Variants in EIF4B observed in about 807,000 individuals in gnomAD.
EIF4B encodes eukaryotic translation initiation factor 4B.
EIF4B carries 8 observed loss-of-function variants against 79.3 expected under a neutral mutation model. That is an observed-to-expected ratio of 0.10 (90% CI 0.06 to 0.18). EIF4B has a LOEUF of 0.18. EIF4B is among the 10% of genes least tolerant of loss of function. EIF4B has a pLI of 1.00. For synonymous variants in EIF4B, 238 were observed against 274.7 expected (o/e 0.87, Z 1.32); for missense variants, 515 against 792.4 (o/e 0.65, Z 4.20).
At chr12:53,011,256 G>GT (rs1943059584) in intron 1 of EIF4B, among the ~76,000 whole-genome samples, 1 of 152,184 alleles carries the variant, frequency 6.6e-6, no homozygotes, top group Non-Finnish European at 1.5e-5. Context: ...GACAGAGCAA[G>GT]ACCCTGTATG....
chr12:53,011,537 A>G (rs7350584), intron 1 of EIF4B, among the ~76,000 whole-genome samples: 122,379 of 152,132 alleles, frequency 0.8, 51,327 homozygotes, highest in Non-Finnish European at 0.93. Context: ...ATCGGGGATT[A>G]CTATTGGCAT....
intron 10 of EIF4B, among the ~76,000 whole-genome samples, chr12:53,035,080 T>C (rs878855875): frequency 6.6e-6 from 1 of 152,066 alleles, no homozygotes; most frequent in Non-Finnish European, 1.5e-5. Flanking sequence ...CAGCCTTTTT[T>C]GATGTTATCA....
intron 8 of EIF4B, among the ~76,000 whole-genome samples, chr12:53,028,684 GA>G (rs990495677): frequency 1.3e-5 from 2 of 151,540 alleles, no homozygotes; most frequent in Non-Finnish European, 2.9e-5. Flanking sequence ...AGTAGAAATG[GA>G]AAAAAAAGTT....
intron 8 of EIF4B, among the ~76,000 whole-genome samples, chr12:53,031,394 A>T (rs962077677): frequency 6.6e-6 from 1 of 152,048 alleles, no homozygotes; most frequent in East Asian, 1.9e-4. Context: ...CTCCTTCCTC[A>T]TCCTCCCCAG....
At position 53,007,420 on chromosome 12, in the gene EIF4B, C is replaced by CTTTTTT. The variant is rs56017954; in HGVS notation, c.13+947_13+952dup. 9.2e-4 allele frequency among the ~76,000 whole-genome samples: 85 copies of CTTTTTT among 92,240 alleles called. 10 individuals carry two copies. Among genetic ancestry groups the CTTTTTT allele is most frequent in the African/African-American group, 4.0e-3 (78 of 19,646 alleles). 60.5% of individuals were successfully genotyped at this position (92,240 alleles called of 152,430 possible). A position where few individuals can be genotyped will look rare whatever the true frequency, so the allele number is the denominator to read the frequency against. On this transcript the variant is annotated intron_variant, in intron 1 of 14. Coordinates refer to ENST00000262056, the MANE Select transcript of EIF4B (RefSeq NM_001417.7). Reference sequence around the variant, plus strand: ...GATAGCTCCAATGGTAGATTTCAGCCTTTTTTTTTTTTTTTTTTTTTTTTT... The same window carrying CTTTTTT: ...GATAGCTCCAATGGTAGATTTCAGCCTTTTTTTTTTTTTTTTTTTTTTTTTTTTTTT...
At chr12:53,030,689 C>T (rs1286108178) in intron 8 of EIF4B, among the ~76,000 whole-genome samples, 2 of 151,850 alleles carry the variant, frequency 1.3e-5, no homozygotes, top group East Asian at 1.9e-4. Flanking sequence ...GGATTACAGG[C>T]GTGGGCCACT....
intron 8 of EIF4B, among the ~76,000 whole-genome samples, chr12:53,031,694 C>T (rs962171594): frequency 2.0e-5 from 3 of 152,218 alleles, no homozygotes; most frequent in Non-Finnish European, 4.4e-5. Context: ...TATAAACTGT[C>T]GGCTTAAAGC....
chr12:53,023,578 AT>A (rs1210893432), intron 6 of EIF4B, among the ~76,000 whole-genome samples: 1,097 of 109,200 alleles, frequency 0.01, 11 homozygotes, highest in South Asian at 0.028. Flanking sequence ...AAAATGTAAA[AT>A]TTTTTTTTTT....
At chr12:53,033,705 CTCATGTAGCATT>C in intron 8 of EIF4B, 89 bp from the exon 9 acceptor site, 1 of 1,292,062 alleles carries the variant, frequency 7.7e-7, no homozygotes, top group Non-Finnish European at 1.1e-6. Context: ...TAACTTGAAT[CTCATGTAGCATT>C]TCATAGGAGT....
In EIF4B at chr12:53,022,622, G is replaced by T; in HGVS notation, c.662G>T (p.Gly221Val). The T allele has an allele frequency of 6.2e-7, 1 of 1,613,490 alleles. No individual in the cohort carries two copies. Among genetic ancestry groups the T allele is most frequent in the Non-Finnish European group, 8.5e-7 (1 of 1,179,764 alleles). The change falls in exon 6 of 15, where the codon GGA (glycine) becomes GTA (valine). Residue 221 changes from glycine to valine, a missense_variant. By Grantham distance (109) the Gly-to-Val change is moderately radical. Coordinates refer to ENST00000262056, the MANE Select transcript of EIF4B (RefSeq NM_001417.7). ...CCTAGAAGAGGTGATGATAGCTTTG[G>T]AGACAGTAAGTTTGTTTTTATGAAG... ...YPPRRGDDSF[G>V]DKYRDRYDSD...
At chr12:53,035,356 A>AT (rs1943521505) in intron 10 of EIF4B, among the ~76,000 whole-genome samples, 1 of 150,740 alleles carries the variant, frequency 6.6e-6, no homozygotes, top group African/African-American at 2.4e-5. Flanking sequence ...ACCCAGCTAA[A>AT]TTTTTTATTT....
rs773232055 is a variant in EIF4B, at chr12:53,027,965, T to A, written c.805+46T>A. 1.0e-5 allele frequency: 16 copies of A among 1,607,032 alleles called. No homozygotes were observed. In the Admixed American group the frequency reaches 2.7e-4, roughly 27 times the overall value. On this transcript the variant is annotated intron_variant, in intron 7 of 14. Transcript: ENST00000262056. The stretch of plus-strand genomic sequence containing the variant: ...ATTGCTCTTTCAGTAACTTTGCCTT[T>A]TTTTTTTCCCCCTCCGCTGTGATGA...
intron 1 of EIF4B, among the ~76,000 whole-genome samples, chr12:53,010,988 G>A (rs1188330910): frequency 6.6e-6 from 1 of 152,224 alleles, no homozygotes; most frequent in African/African-American, 2.4e-5. Context: ...TTTGGACCGT[G>A]TGCAGTGGCT....
intron 1 of EIF4B, 70 bp downstream of exon 1, chr12:53,006,566 T>G: frequency 6.2e-7 from 1 of 1,610,972 alleles, no homozygotes; most frequent in Non-Finnish European, 8.5e-7. Context: ...TCCACTGATT[T>G]CCTGAAGTCG....
Position 53,016,630 on chromosome 12 carries a change from C to A in EIF4B, c.151+20C>A. 1 of 1,556,304 alleles carries A rather than the reference C, an allele frequency of 6.4e-7. No homozygotes were observed. On this transcript the variant is annotated intron_variant, in intron 2 of 14. Transcript: ENST00000262056. ...GAGATGGTAACTTTTCTTTTGTCATCGTGTTTGGAATGTTTATTATTTTCT... is the reference window on the plus strand; with the variant it reads ...GAGATGGTAACTTTTCTTTTGTCATAGTGTTTGGAATGTTTATTATTTTCT...
At chr12:53,020,441 T>C (rs1405353888) in intron 4 of EIF4B, among the ~76,000 whole-genome samples, 1 of 152,224 alleles carries the variant, frequency 6.6e-6, no homozygotes, top group Non-Finnish European at 1.5e-5. Flanking sequence ...TGTAATGGTA[T>C]ATTTGTTCAT....
chr12:53,028,611 G>T (rs966787665), intron 8 of EIF4B, among the ~76,000 whole-genome samples: 1 of 150,968 alleles, frequency 6.6e-6, no homozygotes, highest in African/African-American at 2.4e-5. Flanking sequence ...CACAGCAGTC[G>T]AATTGTTTTC....
intron 4 of EIF4B, among the ~76,000 whole-genome samples, chr12:53,021,039 G>A (rs933684359): frequency 1.3e-5 from 2 of 152,052 alleles, no homozygotes; most frequent in African/African-American, 4.8e-5. Context: ...GTTTAATATA[G>A]TTTTGGGTAT....
intron 9 of EIF4B, among the ~76,000 whole-genome samples, 156 bp from the exon 10 acceptor site, chr12:53,034,456 A>C (rs1166348342): frequency 6.6e-6 from 1 of 152,218 alleles, no homozygotes; most frequent in African/African-American, 2.4e-5. Context: ...GTGTGTCTTA[A>C]TGTCTGTAGC....
Sources: allele counts gnomAD v4.1 joint callset (sites outside exome capture counted in the v4.1 genomes callset), GRCh38; gene constraint gnomAD v4.1.1; transcripts MANE v1.5; gene names NCBI Gene and HGNC (gene_info 2026-07-23, HGNC 2026-07-21).